The following BANK1 variants were observed in gnomAD, a reference collection of about 807,000 sequenced individuals.
The protein encoded by BANK1 is B-cell scaffold protein with ankyrin repeats.
Under a neutral mutation model 94.5 loss-of-function variants are expected in BANK1, and 95 were observed. That is an observed-to-expected ratio of 1.00 (90% confidence interval 0.85 to 1.19). The LOEUF (loss-of-function observed/expected upper bound fraction) is 1.19. Ranked by LOEUF, BANK1 falls within the 50% of genes most tolerant of loss-of-function variation. The pLI, the probability that BANK1 is intolerant of heterozygous loss-of-function variation, is 0.00. For missense variants in BANK1, 987 were observed against 932.2 expected, an observed-to-expected ratio of 1.06 and a Z score of -0.77; for synonymous variants, 334 against 308.4, an observed-to-expected ratio of 1.08 and a Z score of -0.87.
intron 1 of BANK1, among the ~76,000 whole-genome samples, chr4:101,808,043 C>T (rs147772634): frequency 0.012 from 1,819 of 149,546 alleles, 40 homozygotes; most frequent in African/African-American, 0.042. Flanking sequence ...GGAGATCACA[C>T]GCCACTGCAC....
At position 101,792,469 on chromosome 4, in the gene BANK1, G is replaced by GTT. The variant is rs5860691; in HGVS notation, c.70+1531_70+1532dup. The stretch of plus-strand genomic sequence containing the variant: ...TGTGTGTGTGTGTGTGTGTGTGTGT[G>GTT]TTTTTTTTTTTTTAATGAAGAGCTC... On this transcript the variant is annotated intron_variant, in intron 1 of 16. Transcript: ENST00000322953. Among the ~76,000 whole-genome samples the GTT allele has an allele frequency of 7.0e-3, 684 of 97,612 alleles. 14 individuals carry two copies. The highest frequency in any genetic ancestry group is 0.022 in the African/African-American group (640 of 29,434). 64.0% of individuals were successfully genotyped at this position (97,612 alleles called of 152,430 possible). A position where few individuals can be genotyped will look rare whatever the true frequency, so the allele number is the denominator to read the frequency against.
In BANK1 at chr4:101,855,154, C is replaced by G. The variant is rs1388835597; in HGVS notation, c.589C>G (p.Leu197Val). 1.2e-6 allele frequency: 2 copies of G among 1,613,400 alleles called. No individual in the cohort carries two copies. Among genetic ancestry groups the G allele is most frequent in the Non-Finnish European group, 1.7e-6 (2 of 1,179,554 alleles). Residue 197 changes from leucine (L) to valine (V), a missense_variant, in exon 3 of 17, where the codon CTA becomes GTA. Physicochemically the swap from Leu to Val is conservative, Grantham distance 32 (BLOSUM62 1). Transcript: ENST00000322953. ...AGAAGCTTCAAGAAACACCATACCA[C>G]TAGCAGTGGTGCTTCCCACTGAAAT... ...LSEASRNTIP[L>V]AVVLPTEIPC...
At chr4:102,015,055 C>G (rs1404151009) in intron 7 of BANK1, among the ~76,000 whole-genome samples, 2 of 152,036 alleles carry the variant, frequency 1.3e-5, no homozygotes, top group African/African-American at 4.8e-5. Context: ...TTCCTATCTT[C>G]TCACCATCCA....
In BANK1 at chr4:101,794,368, A is replaced by G. The variant is rs556187057; in HGVS notation, c.70+3418A>G. Among the ~76,000 whole-genome samples the G allele has an allele frequency of 3.3e-5, 5 of 152,280 alleles. No individual in the cohort carries two copies. The East Asian group carries it at 9.6e-4, about 29-fold the overall frequency. ...ACAAAATTACAATATAAAATGAGGAACATCATTCCTGACAAAAATAAATGA... is the reference window on the plus strand; with the variant it reads ...ACAAAATTACAATATAAAATGAGGAGCATCATTCCTGACAAAAATAAATGA... On this transcript the variant is annotated intron_variant, in intron 1 of 16. Coordinates refer to ENST00000322953, the MANE Select transcript of BANK1 (RefSeq NM_017935.5).
Position 101,847,736 on chromosome 4 carries a change from T to TACACACACACACACACACACAC in BANK1, c.470-7281_470-7260dup, listed in dbSNP as rs35196238. On this transcript the variant is annotated intron_variant, in intron 2 of 16. Transcript: ENST00000322953. ...TTTATGTCTGCGTAGTATTCCATCA[T>TACACACACACACACACACACAC]ACACACACACACACACACACACACA... Among the ~76,000 whole-genome samples the TACACACACACACACACACACAC allele has an allele frequency of 8.9e-4, 130 of 145,872 alleles. 1 individual carries two copies. Among genetic ancestry groups the TACACACACACACACACACACAC allele is most frequent in the African/African-American group, 3.2e-3 (124 of 39,272 alleles).
At chr4:102,050,125 G>A (rs1225190784) in intron 11 of BANK1, among the ~76,000 whole-genome samples, 1 of 152,168 alleles carries the variant, frequency 6.6e-6, no homozygotes, top group African/African-American at 2.4e-5. Flanking sequence ...GTGTACCTTA[G>A]TTCCTTTCAT....
intron 2 of BANK1, among the ~76,000 whole-genome samples, chr4:101,831,660 A>C (rs1356493057): frequency 1.3e-5 from 2 of 152,074 alleles, no homozygotes; most frequent in East Asian, 1.9e-4. Flanking sequence ...TTTTTAGAGG[A>C]GATGAGGTTT....
chr4:101,958,422 C>A (rs1724440914), intron 7 of BANK1, among the ~76,000 whole-genome samples: 1 of 137,490 alleles, frequency 7.3e-6, no homozygotes, highest in South Asian at 2.3e-4. Flanking sequence ...GCTACAAACA[C>A]TTTTTTTTTT....
Position 101,870,760 on chromosome 4 carries a change from A to G in BANK1, c.903+116A>G, listed in dbSNP as rs544618545. 4.6e-4 allele frequency: 549 copies of G among 1,192,840 alleles called. 1 individual carries two copies. Among genetic ancestry groups the G allele is most frequent in the Non-Finnish European group, 6.0e-4 (528 of 887,336 alleles). The allele number at this position is 1,192,840 out of a possible 1,614,324, so 73.9% of individuals were successfully genotyped here. The stretch of plus-strand genomic sequence containing the variant: ...GTGGATTGAATAACAGTGAATTACT[A>G]CCAATCAATAGGAAGGGAAGAGGCA... On this transcript the variant is annotated intron_variant, in intron 5 of 16. Transcript: ENST00000322953.
intron 5 of BANK1, among the ~76,000 whole-genome samples, chr4:101,877,935 A>G (rs1014268904): frequency 6.6e-6 from 1 of 152,306 alleles, no homozygotes. Flanking sequence ...ACTTCAAACC[A>G]AAATAAATAC....
At chr4:101,884,607 C>T (rs1228582821) in intron 5 of BANK1, among the ~76,000 whole-genome samples, 5 of 152,102 alleles carry the variant, frequency 3.3e-5, no homozygotes, top group Admixed American at 6.6e-5. Flanking sequence ...TTTCAGTGCT[C>T]TCTAACTCAG....
intron 8 of BANK1, among the ~76,000 whole-genome samples, 155 bp from the exon 9 acceptor site, chr4:102,025,044 GAC>G (rs1727036728): frequency 1.3e-5 from 2 of 152,256 alleles, no homozygotes; most frequent in Admixed American, 1.3e-4. Flanking sequence ...AGAAATAAAT[GAC>G]TGTTCACTAA....
At chr4:101,963,054 CATAT>C (rs1724625968) in intron 7 of BANK1, among the ~76,000 whole-genome samples, 1 of 152,064 alleles carries the variant, frequency 6.6e-6, no homozygotes. Context: ...TGTGTCCCAA[CATAT>C]ATGATGATTT....
intron 5 of BANK1, among the ~76,000 whole-genome samples, chr4:101,871,250 A>G (rs1485984097): frequency 6.6e-6 from 1 of 152,120 alleles, no homozygotes; most frequent in Non-Finnish European, 1.5e-5. Context: ...ATTTCTATTT[A>G]TAACAATTTG....
At chr4:102,049,968 G>T (rs1461622817) in intron 11 of BANK1, among the ~76,000 whole-genome samples, 7 of 152,296 alleles carry the variant, frequency 4.6e-5, no homozygotes, top group Non-Finnish European at 4.4e-5. Context: ...TGCTGGCAGG[G>T]CTCTGCGTTT....
At chr4:102,010,722 A>C (rs1726479893) in intron 7 of BANK1, among the ~76,000 whole-genome samples, 1 of 152,116 alleles carries the variant, frequency 6.6e-6, no homozygotes, top group African/African-American at 2.4e-5. Context: ...ATCATTATAA[A>C]ACCAAAATGT....
chr4:101,837,692 G>T (rs1726881506), intron 2 of BANK1, among the ~76,000 whole-genome samples: 1 of 151,558 alleles, frequency 6.6e-6, no homozygotes, highest in South Asian at 2.1e-4. Flanking sequence ...ATCATGTTTG[G>T]TCATTCTCAT....
At chr4:101,998,218 T>C (rs1018833526) in intron 7 of BANK1, among the ~76,000 whole-genome samples, 1 of 152,214 alleles carries the variant, frequency 6.6e-6, no homozygotes, top group Non-Finnish European at 1.5e-5. Flanking sequence ...TCCATATAGT[T>C]GTGTGGTTTT....
Position 101,790,734 on chromosome 4 carries a change from C to A in BANK1, c.-147C>A. The A allele has an allele frequency of 1.2e-6, 1 of 867,884 alleles. No homozygotes were observed. The highest frequency in any genetic ancestry group is 1.8e-6 in the Non-Finnish European group (1 of 552,258). 53.8% of individuals were successfully genotyped at this position (867,884 alleles called of 1,614,324 possible). ...AGCCCCGGGGCTGCGTTTCCTGAGA[C>A]CTGGCCGCAGCCTCCGCGGGTGGCA... On this transcript the variant is annotated 5_prime_UTR_variant, in exon 1 of 17. Coordinates refer to ENST00000322953, the MANE Select transcript of BANK1 (RefSeq NM_017935.5).
Sources: allele counts gnomAD v4.1 joint callset (sites outside exome capture counted in the v4.1 genomes callset), GRCh38; gene constraint gnomAD v4.1.1; transcripts MANE v1.5; gene names NCBI Gene and HGNC (gene_info 2026-07-23, HGNC 2026-07-21).